ROCK2: variants seen among roughly 807,000 people sequenced by gnomAD.
The protein encoded by ROCK2 is Rho associated coiled-coil containing protein kinase 2, also known as rho-associated protein kinase 2.
A neutral mutation model predicts 195.1 loss-of-function variants in ROCK2; 61 were observed. The observed-to-expected ratio is 0.31, with a 90% CI of 0.25 to 0.39. ROCK2 has a LOEUF of 0.39. Among genes scored for constraint, ROCK2 ranks in the 10% least tolerant of loss-of-function variants. The pLI is 1.00. For synonymous variants in ROCK2, 504 were observed against 545.5 expected, an observed-to-expected ratio of 0.92 and a Z score of 1.06; for missense variants, 1,109 against 1,637.4, an observed-to-expected ratio of 0.68 and a Z score of 5.57.
intron 5 of ROCK2, among the ~76,000 whole-genome samples, chr2:11,230,353 AGCTTTCACAAGATG>A (rs1453210554): frequency 2.0e-5 from 3 of 152,212 alleles, no homozygotes; most frequent in African/African-American, 7.2e-5. Flanking sequence ...CAACCTAAGG[AGCTTTCACAAGATG>A]GCAAACTTTG....
At chr2:11,183,600 A>G (rs1572210854) in intron 32 of ROCK2, among the ~76,000 whole-genome samples, 160 bp from the exon 33 acceptor site, 1 of 152,218 alleles carries the variant, frequency 6.6e-6, no homozygotes, top group Non-Finnish European at 1.5e-5. Flanking sequence ...TTACTGTATT[A>G]CTTTTCCTAT....
At chr2:11,264,267 G>A (rs1666338730) in intron 3 of ROCK2, among the ~76,000 whole-genome samples, 1 of 152,054 alleles carries the variant, frequency 6.6e-6, no homozygotes, top group African/African-American at 2.4e-5. Flanking sequence ...CAAAGCAGGT[G>A]TTCATACATA....
chr2:11,293,570 C>T (rs989486428), intron 1 of ROCK2, among the ~76,000 whole-genome samples: 2 of 152,154 alleles, frequency 1.3e-5, no homozygotes, highest in Non-Finnish European at 2.9e-5. Flanking sequence ...AAGATAGGAC[C>T]AGTATTATTA....
rs1664422026 is a variant in ROCK2, at chr2:11,216,218, CAGAA to C, written c.1413-16_1413-13del. On this transcript the variant is annotated splice_polypyrimidine_tract_variant and intron_variant, in intron 12 of 32. Transcript: ENST00000315872. ...GAGTATTAACAGATCTAAAGAATTT[CAGAA>C]AGAAACAGTAAATAACTTCTAATTT... The C allele has an allele frequency of 6.4e-7, 1 of 1,571,768 alleles. No individual in the cohort carries two copies. Among genetic ancestry groups the C allele is most frequent in the Non-Finnish European group, 8.7e-7 (1 of 1,142,932 alleles).
At chr2:11,252,539 T>C (rs1665869429) in intron 3 of ROCK2, among the ~76,000 whole-genome samples, 1 of 152,138 alleles carries the variant, frequency 6.6e-6, no homozygotes, top group South Asian at 2.1e-4. Flanking sequence ...CAGCAAAGAC[T>C]TGGAACCAAC....
chr2:11,321,035 C>G (rs1572405158), intron 1 of ROCK2, among the ~76,000 whole-genome samples: 1 of 152,306 alleles, frequency 6.6e-6, no homozygotes, highest in East Asian at 1.9e-4. Context: ...TCCTGCCATG[C>G]TAGCCAGAAT....
rs182116015 is a variant in ROCK2, at chr2:11,287,436, A to T, written c.223+219T>A. Among the ~76,000 whole-genome samples the T allele has an allele frequency of 8.5e-4, 130 of 152,306 alleles. 4 individuals are homozygous for T. In the East Asian group the frequency reaches 0.02, roughly 23 times the overall value. Reference sequence around the variant, plus strand: ...AATAGTCTTAATAATGTATTTCAAAATTTAGAACTTTATCTGCTTTGCATA... The same window carrying T: ...AATAGTCTTAATAATGTATTTCAAATTTTAGAACTTTATCTGCTTTGCATA... On this transcript the variant is annotated intron_variant, in intron 2 of 32. Transcript: ENST00000315872.
At chr2:11,294,139 AGAGT>A (rs1383903354) in intron 1 of ROCK2, among the ~76,000 whole-genome samples, 3 of 151,824 alleles carry the variant, frequency 2.0e-5, no homozygotes, top group Non-Finnish European at 4.4e-5. Context: ...CCTGGGTGAC[AGAGT>A]GAGACTCCCG....
chr2:11,205,040 TTAAGA>T (rs1387735001), intron 20 of ROCK2, among the ~76,000 whole-genome samples: 1 of 152,162 alleles, frequency 6.6e-6, no homozygotes, highest in East Asian at 1.9e-4. Flanking sequence ...AAGCTTCAGT[TTAAGA>T]TGAGAGGCTT....
chr2:11,316,285 T>A (rs1668190241), intron 1 of ROCK2, among the ~76,000 whole-genome samples: 1 of 152,154 alleles, frequency 6.6e-6, no homozygotes, highest in South Asian at 2.1e-4. Flanking sequence ...ATTCAGAATG[T>A]ATACAACACT....
At chr2:11,334,323 C>T (rs977175998) in intron 1 of ROCK2, among the ~76,000 whole-genome samples, 2 of 151,820 alleles carry the variant, frequency 1.3e-5, no homozygotes, top group Non-Finnish European at 2.9e-5. Flanking sequence ...CCATCCTGGC[C>T]AACATGGTGA....
chr2:11,249,397 T>C (rs1294686482), intron 4 of ROCK2, among the ~76,000 whole-genome samples: 2 of 152,240 alleles, frequency 1.3e-5, no homozygotes, highest in Non-Finnish European at 2.9e-5. Context: ...GGCATACTGG[T>C]ATTCAAGCCA....
chr2:11,213,377 G>A (rs903466645), intron 17 of ROCK2, among the ~76,000 whole-genome samples: 10 of 151,856 alleles, frequency 6.6e-5, no homozygotes, highest in South Asian at 6.3e-4. Context: ...ACCTCATGCC[G>A]AGCTCTGTAG....
intron 3 of ROCK2, among the ~76,000 whole-genome samples, chr2:11,276,498 G>C (rs1363585515): frequency 6.6e-6 from 1 of 152,078 alleles, no homozygotes; most frequent in Non-Finnish European, 1.5e-5. Context: ...ACAAAACACT[G>C]CTAAAAGGAA....
At chr2:11,280,324 TTAA>T (rs1219036899) in intron 3 of ROCK2, among the ~76,000 whole-genome samples, 1 of 151,908 alleles carries the variant, frequency 6.6e-6, no homozygotes. Flanking sequence ...TCCACAGACA[TTAA>T]TAAGGATAAT....
chr2:11,273,354 T>C (rs763296505), intron 3 of ROCK2, among the ~76,000 whole-genome samples: 1 of 152,098 alleles, frequency 6.6e-6, no homozygotes, highest in African/African-American at 2.4e-5. Flanking sequence ...GAAGTGGCTA[T>C]ACTAATATCA....
At chr2:11,234,468 T>G (rs1401922850) in intron 5 of ROCK2, 1 of 152,118 alleles carries the variant, frequency 6.6e-6, no homozygotes, top group Non-Finnish European at 1.5e-5. Context: ...TTCATTTTCA[T>G]TAAAGATAAT....
At chr2:11,210,048 T>C (rs941211575) in intron 18 of ROCK2, among the ~76,000 whole-genome samples, 7 of 152,196 alleles carry the variant, frequency 4.6e-5, no homozygotes, top group African/African-American at 1.4e-4. Context: ...GCCAATGACA[T>C]GCAACAGAAG....
chr2:11,215,829 C>A (rs370578150), intron 13 of ROCK2, among the ~76,000 whole-genome samples, 184 bp from the exon 14 acceptor site: 5 of 152,000 alleles, frequency 3.3e-5, no homozygotes, highest in African/African-American at 1.2e-4. Context: ...TCATAAAGAC[C>A]GTAAATGTTT....
Sources: gnomAD v4.1 joint callset for allele counts (sites outside exome capture counted in the v4.1 genomes callset) on GRCh38, gnomAD v4.1.1 for gene constraint, MANE v1.5 for transcripts, NCBI Gene and HGNC (gene_info 2026-07-23, HGNC 2026-07-21) for gene names.